Variants in ZNF804B observed in about 807,000 individuals in gnomAD.
The protein encoded by ZNF804B is zinc finger protein 804B.
In ZNF804B, 80 loss-of-function variants were observed where a neutral mutation model predicts 101.4. The observed-to-expected ratio is 0.79, with a 90% CI of 0.66 to 0.95. ZNF804B has a LOEUF of 0.95. ZNF804B is among the 40% of genes least tolerant of loss of function. ZNF804B has a pLI of 0.00. For missense variants in ZNF804B, 1,673 were observed against 1,561.9 expected (o/e 1.07, Z -1.20); for synonymous variants, 622 against 558.8 (o/e 1.11, Z -1.59).
intron 1 of ZNF804B, among the ~76,000 whole-genome samples, chr7:88,861,579 C>T (rs1544423): frequency 0.17 from 26,214 of 152,094 alleles, 2,686 homozygotes; most frequent in East Asian, 0.43. Context: ...ATTGATCTCT[C>T]AGCGATATCT....
chr7:89,090,252 C>T (rs866773859), intron 1 of ZNF804B, among the ~76,000 whole-genome samples: 5 of 152,040 alleles, frequency 3.3e-5, no homozygotes, highest in South Asian at 2.1e-4. Context: ...TTTATTGCTA[C>T]GTCTTTACCT....
intron 2 of ZNF804B, among the ~76,000 whole-genome samples, chr7:89,283,557 G>C (rs1021903569): frequency 6.6e-6 from 1 of 152,132 alleles, no homozygotes; most frequent in Admixed American, 6.6e-5. Context: ...TATTTCATTT[G>C]ATCCCTGCTG....
intron 1 of ZNF804B, among the ~76,000 whole-genome samples, chr7:89,211,562 C>G (rs1788804554): frequency 6.6e-6 from 1 of 152,028 alleles, no homozygotes; most frequent in Non-Finnish European, 1.5e-5. Flanking sequence ...GGAAGGGGTC[C>G]AGTTTCAATT....
rs991165662 is a variant in ZNF804B, at chr7:88,867,966, T to C, written c.108+107882T>C. Among the ~76,000 whole-genome samples the C allele has an allele frequency of 5.3e-5, 8 of 152,218 alleles. No homozygotes were observed. The South Asian group carries it at 1.2e-3, about 24-fold the overall frequency. ...TTGTTAACTGCTGGTTATACTAATA[T>C]ATAATGTCTGTTAGCATAATCACCT... On this transcript the variant is annotated intron_variant, in intron 1 of 3. Coordinates refer to ENST00000333190, the MANE Select transcript of ZNF804B (RefSeq NM_181646.5).
chr7:89,269,171 G>A (rs930520067), intron 2 of ZNF804B, among the ~76,000 whole-genome samples: 6 of 151,918 alleles, frequency 3.9e-5, no homozygotes, highest in East Asian at 1.9e-4. Context: ...CCATTAACTC[G>A]TCATTTACAT....
At chr7:89,179,438 T>G (rs1788263090) in intron 1 of ZNF804B, among the ~76,000 whole-genome samples, 1 of 152,222 alleles carries the variant, frequency 6.6e-6, no homozygotes, top group Non-Finnish European at 1.5e-5. Context: ...TCTGATGCAT[T>G]CTTCAGTATA....
intron 1 of ZNF804B, among the ~76,000 whole-genome samples, chr7:89,188,500 A>G (rs1355592890): frequency 6.6e-6 from 1 of 152,134 alleles, no homozygotes; most frequent in Non-Finnish European, 1.5e-5. Context: ...CTCACTTCAA[A>G]GCAAAAGCTA....
At chr7:89,132,310 G>GAAAAC (rs887992467) in intron 1 of ZNF804B, among the ~76,000 whole-genome samples, 29 of 151,986 alleles carry the variant, frequency 1.9e-4, no homozygotes, top group East Asian at 5.8e-4. Flanking sequence ...GGAATTTTCT[G>GAAAAC]AAAACAAAAC....
intron 1 of ZNF804B, among the ~76,000 whole-genome samples, chr7:88,900,314 C>A: frequency 6.6e-6 from 1 of 151,620 alleles, no homozygotes. Flanking sequence ...ACTATTCAGA[C>A]CCCTTAAAAA....
chr7:89,032,202 T>C (rs1015683050), intron 1 of ZNF804B, among the ~76,000 whole-genome samples: 1 of 151,858 alleles, frequency 6.6e-6, no homozygotes, highest in African/African-American at 2.4e-5. Flanking sequence ...TATGTCATAG[T>C]GATAGGAGCA....
intron 1 of ZNF804B, among the ~76,000 whole-genome samples, chr7:88,822,274 T>G (rs902020513): frequency 6.6e-6 from 1 of 152,188 alleles, no homozygotes; most frequent in African/African-American, 2.4e-5. Context: ...TTTATTTTTA[T>G]GGGAACTAAA....
intron 1 of ZNF804B, among the ~76,000 whole-genome samples, chr7:88,761,408 G>A (rs1789893994): frequency 6.6e-6 from 1 of 152,180 alleles, no homozygotes; most frequent in South Asian, 2.1e-4. Context: ...CACTTGCAGA[G>A]TTCTAGTTTA....
chr7:89,230,572 A>G (rs187716020), intron 2 of ZNF804B, among the ~76,000 whole-genome samples: 40 of 152,264 alleles, frequency 2.6e-4, no homozygotes, highest in Admixed American at 9.8e-4. Context: ...CGTCAAGAGA[A>G]TAGATCAATA....
chr7:88,788,852 C>T (rs565896354), intron 1 of ZNF804B, among the ~76,000 whole-genome samples: 1 of 152,196 alleles, frequency 6.6e-6, no homozygotes, highest in South Asian at 2.1e-4. Flanking sequence ...CACTATTATT[C>T]TCTTCATATC....
At chr7:88,802,558 T>A (rs1416356034) in intron 1 of ZNF804B, among the ~76,000 whole-genome samples, 1 of 152,136 alleles carries the variant, frequency 6.6e-6, no homozygotes, top group East Asian at 1.9e-4. Flanking sequence ...CGAACTTTGT[T>A]AAGTGGATTG....
rs559832021 is a variant in ZNF804B at position 88,992,421 on chromosome 7, T to G, written c.109-225734T>G. Among the ~76,000 whole-genome samples the G allele has an allele frequency of 6.6e-5, 10 of 152,196 alleles. No homozygotes were observed. In the South Asian group the frequency reaches 2.1e-3, roughly 32 times the overall value. On this transcript the variant is annotated intron_variant, in intron 1 of 3. Transcript: ENST00000333190. ...CTTAACAAATCACTGTGCCACAAATTTAGTGGCATACAAGAACACCCAGTT... is the reference window on the plus strand; with the variant it reads ...CTTAACAAATCACTGTGCCACAAATGTAGTGGCATACAAGAACACCCAGTT...
At chr7:89,178,223 CA>C (rs1788235592) in intron 1 of ZNF804B, among the ~76,000 whole-genome samples, 2 of 151,620 alleles carry the variant, frequency 1.3e-5, no homozygotes, top group African/African-American at 4.8e-5. Flanking sequence ...CATCCATTTA[CA>C]TACTCTATGT....
At chr7:88,887,806 C>A (rs2115922565) in intron 1 of ZNF804B, among the ~76,000 whole-genome samples, 1 of 150,830 alleles carries the variant, frequency 6.6e-6, no homozygotes. Flanking sequence ...TGTACACTTT[C>A]TGCTCATTAC....
intron 1 of ZNF804B, among the ~76,000 whole-genome samples, chr7:88,912,052 A>G (rs1792557239): frequency 6.6e-6 from 1 of 152,042 alleles, no homozygotes; most frequent in East Asian, 1.9e-4. Flanking sequence ...TAATGTTTCC[A>G]ATGAGAAAAT....
Sources: gnomAD v4.1 joint callset for allele counts (sites outside exome capture counted in the v4.1 genomes callset) on GRCh38, gnomAD v4.1.1 for gene constraint, MANE v1.5 for transcripts, NCBI Gene and HGNC (gene_info 2026-07-23, HGNC 2026-07-21) for gene names.